Variants in CCDC117 observed in about 807,000 individuals in gnomAD.
The protein encoded by CCDC117 is coiled-coil domain-containing protein 117.
In CCDC117, 1 loss-of-function variant was observed where a neutral mutation model predicts 23.5. That is an observed-to-expected ratio of 0.04 (90% CI 0.02 to 0.20). The LOEUF (loss-of-function observed/expected upper bound fraction) is 0.20, where lower values mean the gene tolerates loss of function less well. CCDC117 is among the 10% of genes least tolerant of loss of function. The pLI is 1.00. For missense variants in CCDC117, 383 were observed against 348.2 expected, an observed-to-expected ratio of 1.10 and a Z score of -0.80; for synonymous variants, 132 against 124.8, an observed-to-expected ratio of 1.06 and a Z score of -0.39.
At chr22:28,779,193 A>T (rs5762789) in intron 2 of CCDC117, among the ~76,000 whole-genome samples, 1 of 88,188 alleles carries the variant, frequency 1.1e-5, no homozygotes, top group Non-Finnish European at 2.2e-5. Context: ...AATATCACAT[A>T]CTTTATTTAT....
intron 4 of CCDC117, 97 bp from the exon 5 acceptor site, chr22:28,785,992 A>T: frequency 1.3e-6 from 1 of 772,312 alleles, no homozygotes; most frequent in Non-Finnish European, 2.2e-6. Context: ...TGCTATCATC[A>T]GTCCTTAAGA....
At chr22:28,785,071 A>G (rs1234790630) in intron 4 of CCDC117, among the ~76,000 whole-genome samples, 1 of 152,042 alleles carries the variant, frequency 6.6e-6, no homozygotes, top group East Asian at 1.9e-4. Context: ...CGCCCAGCCA[A>G]GGGTATCTCA....
At chr22:28,783,358 C>T (rs919544932) in intron 3 of CCDC117, 150 bp from the exon 4 acceptor site, 1 of 662,564 alleles carries the variant, frequency 1.5e-6, no homozygotes, top group Non-Finnish European at 2.4e-6. Flanking sequence ...ACCTTTTATA[C>T]TCAGGTATAG....
intron 2 of CCDC117, among the ~76,000 whole-genome samples, chr22:28,779,844 CTG>C (rs2031269430): frequency 6.6e-6 from 1 of 152,194 alleles, no homozygotes; most frequent in African/African-American, 2.4e-5. Context: ...GGCCTTGAGA[CTG>C]TACTTGCTGA....
chr22:28,776,442 C>G (rs1294370616), intron 2 of CCDC117, among the ~76,000 whole-genome samples: 4 of 147,588 alleles, frequency 2.7e-5, no homozygotes, highest in African/African-American at 1.0e-4. Context: ...TTTTTTTTTT[C>G]CCTGGAGTTT....
At chr22:28,774,860 G>A (rs1394648436) in intron 2 of CCDC117, among the ~76,000 whole-genome samples, 2 of 152,046 alleles carry the variant, frequency 1.3e-5, no homozygotes, top group Non-Finnish European at 2.9e-5. Context: ...TTTTACATTT[G>A]TAGGAAGATA....
Position 28,786,161 on chromosome 22 carries a change from C to T in CCDC117, c.675C>T (p.Ser225=), listed in dbSNP as rs765237278. ...TCCTTTCTGATAAGCCAAAGCCATC[C>T]TCTAATACTAAGAACTATACAGGAG... is the stretch of plus-strand genomic sequence containing the variant. ...PELLSDKPKP[S]SNTKNYTGES... Residue 225 remains serine, a synonymous_variant, in exon 5 of 5, where the codon TCC becomes TCT. Transcript: ENST00000249064. 2 of 1,614,134 alleles carry T rather than the reference C, an allele frequency of 1.2e-6. No homozygotes were observed. The highest frequency in any genetic ancestry group is 2.2e-5 in the South Asian group (2 of 91,084).
chr22:28,782,392 G>A (rs2146253260), intron 3 of CCDC117, among the ~76,000 whole-genome samples: 1 of 151,650 alleles, frequency 6.6e-6, no homozygotes, highest in South Asian at 2.1e-4. Context: ...CTGAGTAGCT[G>A]GGATTACAAG....
At chr22:28,774,303 A>G (rs1029304493) in intron 2 of CCDC117, among the ~76,000 whole-genome samples, 15 of 147,840 alleles carry the variant, frequency 1.0e-4, no homozygotes, top group Non-Finnish European at 2.1e-4. Context: ...TTCTGACTTC[A>G]TGATCCTCCC....
At chr22:28,782,597 C>G (rs2031383132) in intron 3 of CCDC117, among the ~76,000 whole-genome samples, 1 of 152,070 alleles carries the variant, frequency 6.6e-6, no homozygotes, top group Non-Finnish European at 1.5e-5. Flanking sequence ...TGCCATCACA[C>G]CTGGCTAATT....
intron 2 of CCDC117, among the ~76,000 whole-genome samples, chr22:28,776,179 T>C (rs2031156574): frequency 6.6e-6 from 1 of 151,860 alleles, no homozygotes; most frequent in Non-Finnish European, 1.5e-5. Flanking sequence ...GAGGCCAGGG[T>C]GGGTGGATTG....
In CCDC117 at chr22:28,772,758, G is replaced by A; in HGVS notation, c.-92G>A. The A allele has an allele frequency of 9.7e-7, 1 of 1,030,428 alleles. No individual in the cohort carries two copies. Among genetic ancestry groups the A allele is most frequent in the Non-Finnish European group, 1.2e-6 (1 of 812,100 alleles). 63.8% of individuals were successfully genotyped at this position (1,030,428 alleles called of 1,614,324 possible). On this transcript the variant is annotated 5_prime_UTR_variant, in exon 1 of 5. Coordinates refer to ENST00000249064, the MANE Select transcript of CCDC117 (RefSeq NM_173510.4). Reference sequence around the variant, plus strand: ...GGGGTCGAGAGCGGGATCCGAGGCTGGCGGGTTTTGGCAGTAGCTGTGGCT... The same window carrying A: ...GGGGTCGAGAGCGGGATCCGAGGCTAGCGGGTTTTGGCAGTAGCTGTGGCT...
chr22:28,774,167 A>G (rs948768062), intron 2 of CCDC117, among the ~76,000 whole-genome samples: 3 of 145,974 alleles, frequency 2.1e-5, no homozygotes, highest in Admixed American at 7.0e-5. Context: ...TCCCGGCTTC[A>G]TGCCATTCTC....
chr22:28,782,355 T>C (rs1324034952), intron 3 of CCDC117, among the ~76,000 whole-genome samples: 2 of 147,578 alleles, frequency 1.4e-5, no homozygotes, highest in African/African-American at 5.1e-5. Context: ...GCCTCCCAGG[T>C]TCAAGCAATT....
intron 4 of CCDC117, among the ~76,000 whole-genome samples, chr22:28,785,314 G>A (rs5762794): frequency 0.1 from 15,768 of 151,968 alleles, 1,117 homozygotes; most frequent in South Asian, 0.28. Flanking sequence ...TCAGCCTCCC[G>A]AGTAGCTGGG....
Position 28,773,732 on chromosome 22 carries a change from G to A in CCDC117, c.193G>A (p.Val65Ile). Residue 65 changes from valine (V) to isoleucine (I), a missense_variant, in exon 2 of 5, where the codon GTT (valine) becomes ATT (isoleucine). Coordinates refer to ENST00000249064, the MANE Select transcript of CCDC117 (RefSeq NM_173510.4). ...AGSAARGRVSVHCKKKHKREE... is the reference protein window; with the variant it reads ...AGSAARGRVSIHCKKKHKREE... ...TTTTGTTTGTTTCAACAGTGTTTCT[G>A]TTCACTGTAAAAAGAAACACAAGCG... The A allele has an allele frequency of 3.1e-6, 5 of 1,613,102 alleles. No homozygotes were observed. The highest frequency in any genetic ancestry group is 4.2e-6 in the Non-Finnish European group (5 of 1,179,058).
chr22:28,774,957 A>T (rs1403386927), intron 2 of CCDC117, among the ~76,000 whole-genome samples: 1 of 152,026 alleles, frequency 6.6e-6, no homozygotes, highest in Non-Finnish European at 1.5e-5. Context: ...GGTTTACGTA[A>T]TTTCTCTTTC....
Position 28,772,946 on chromosome 22 carries a change from C to A in CCDC117, c.97C>A (p.Pro33Thr). ...GCCGGCCTTCCCCGGCCGGGCCTTC[C>A]CGCCGGGGGCTGACGGCGCCGAGTT... The part of the protein sequence containing the change: ...PQPAFPGRAF[P>T]PGADGAELAP... Residue 33 changes from proline (P) to threonine (T), a missense_variant, in exon 1 of 5, where the codon CCG becomes ACG. By Grantham distance (38) the Pro-to-Thr change is conservative. Coordinates refer to ENST00000249064, the MANE Select transcript of CCDC117 (RefSeq NM_173510.4). 1 of 1,217,112 alleles carries A rather than the reference C, an allele frequency of 8.2e-7. No homozygotes were observed. Among genetic ancestry groups the A allele is most frequent in the Non-Finnish European group, 1.0e-6 (1 of 978,412 alleles). The allele number at this position is 1,217,112 out of a possible 1,614,324, so 75.4% of individuals were successfully genotyped here.
intron 4 of CCDC117, among the ~76,000 whole-genome samples, chr22:28,784,357 G>GTCCGTGAAGCC (rs1027153071): frequency 3.3e-5 from 5 of 152,224 alleles, no homozygotes; most frequent in African/African-American, 1.2e-4. Flanking sequence ...TAATCCTGTA[G>GTCCGTGAAGCC]TCCGTGAAGC....
Sources: allele counts gnomAD v4.1 joint callset (sites outside exome capture counted in the v4.1 genomes callset), GRCh38; gene constraint gnomAD v4.1.1; transcripts MANE v1.5; gene names NCBI Gene and HGNC (gene_info 2026-07-23, HGNC 2026-07-21).